Variants in MYRFL observed in about 807,000 individuals in gnomAD.
The protein encoded by MYRFL is myelin regulatory factor-like protein.
MYRFL carries 88 observed loss-of-function variants against 109.4 expected under a neutral mutation model. The ratio of observed to expected loss-of-function variants is 0.80; its 90% confidence interval spans 0.68 to 0.96. MYRFL has a LOEUF of 0.96. Ranked by LOEUF, MYRFL falls within the 40% of genes least tolerant of loss-of-function variation. The pLI is 0.00. For missense variants in MYRFL, 957 were observed against 954.9 expected (o/e 1.00, Z -0.03); for synonymous variants, 324 against 320.9 (o/e 1.01, Z -0.10).
chr12:69,867,540 G>A lies in MYRFL; in HGVS notation c.138-11488G>A, dbSNP rs556345408. Among the ~76,000 whole-genome samples, 5 of 152,228 alleles carry A rather than the reference G, an allele frequency of 3.3e-5. No individual in the cohort carries two copies. In the South Asian group the frequency reaches 1.0e-3, roughly 32 times the overall value. Reference sequence around the variant, plus strand: ...TTTGAATAGGGGACGTCACAGGAGGGGAAACTTAGAGACATGTTATATCTG... The same window carrying A: ...TTTGAATAGGGGACGTCACAGGAGGAGAAACTTAGAGACATGTTATATCTG... On this transcript the variant is annotated intron_variant, in intron 2 of 24. Coordinates refer to ENST00000552032, the MANE Select transcript of MYRFL (RefSeq NM_182530.3).
At chr12:69,896,429 T>A (rs1953998110) in intron 9 of MYRFL, among the ~76,000 whole-genome samples, 1 of 152,262 alleles carries the variant, frequency 6.6e-6, no homozygotes. Context: ...GTGAAGTTTT[T>A]TCATGCAGTT....
intron 5 of MYRFL, among the ~76,000 whole-genome samples, chr12:69,884,392 G>A (rs143504408): frequency 1.3e-5 from 2 of 152,308 alleles, no homozygotes; most frequent in Non-Finnish European, 2.9e-5. Context: ...CCATCTCCCA[G>A]GGAAGCCACA....
chr12:69,953,864 A>AG (rs908696300), intron 21 of MYRFL, among the ~76,000 whole-genome samples: 25 of 152,104 alleles, frequency 1.6e-4, no homozygotes, highest in African/African-American at 5.6e-4. Flanking sequence ...ATTAAAGGCA[A>AG]GGCCTGTAAT....
At chr12:69,942,043 A>G (rs1236169886) in intron 19 of MYRFL, among the ~76,000 whole-genome samples, 2 of 149,106 alleles carry the variant, frequency 1.3e-5, no homozygotes, top group Non-Finnish European at 3.0e-5. Context: ...GCAATAATCA[A>G]TAGCTTACCA....
intron 21 of MYRFL, among the ~76,000 whole-genome samples, chr12:69,953,764 GACACACACACACACACACACAC>G (rs143170206): frequency 6.9e-6 from 1 of 144,180 alleles, no homozygotes; most frequent in Non-Finnish European, 1.5e-5. Flanking sequence ...GTGCAACCCG[GACACACACACACACACACACAC>G]ACACACACAC....
chr12:69,916,514 G>A (rs1295343111), intron 13 of MYRFL, among the ~76,000 whole-genome samples: 1 of 152,140 alleles, frequency 6.6e-6, no homozygotes, highest in Non-Finnish European at 1.5e-5. Context: ...TTGTATATCA[G>A]TTCTCTTCTT....
chr12:69,948,900 C>A (rs968024559), intron 19 of MYRFL, among the ~76,000 whole-genome samples: 3 of 152,154 alleles, frequency 2.0e-5, no homozygotes, highest in Non-Finnish European at 4.4e-5. Context: ...CCCCTGGGAA[C>A]TTTCCCTGTG....
At chr12:69,872,053 G>A (rs577090147) in intron 2 of MYRFL, among the ~76,000 whole-genome samples, 8 of 133,402 alleles carry the variant, frequency 6.0e-5, no homozygotes, top group African/African-American at 1.5e-4. Flanking sequence ...TTTGCTTTGC[G>A]TATTTTGAAA....
At chr12:69,836,253 C>T (rs1046270234) in intron 1 of MYRFL, among the ~76,000 whole-genome samples, 1 of 152,170 alleles carries the variant, frequency 6.6e-6, no homozygotes, top group Non-Finnish European at 1.5e-5. Flanking sequence ...CAATGTGCTC[C>T]TCTTGCCCTC....
At chr12:69,898,803 G>A (rs1954087230) in intron 10 of MYRFL, among the ~76,000 whole-genome samples, 1 of 152,152 alleles carries the variant, frequency 6.6e-6, no homozygotes, top group South Asian at 2.1e-4. Context: ...ATTTGCTGCT[G>A]ACAGCTCCTG....
At position 69,897,196 on chromosome 12, in the gene MYRFL, G is replaced by C; in HGVS notation, c.1132G>C (p.Asp378His). 6.5e-7 allele frequency: 1 copy of C among 1,535,822 alleles called. No individual in the cohort carries two copies. The change falls in exon 10 of 25, where the codon GAC (aspartate) becomes CAC (histidine). Residue 378 changes from aspartate to histidine, a missense_variant. By Grantham distance (81) the Asp-to-His change is moderately conservative (BLOSUM62 -1). Coordinates refer to ENST00000552032, the MANE Select transcript of MYRFL (RefSeq NM_182530.3). ...LVVGLYAANQDQFYLLSAHIS... is the reference protein window; with the variant it reads ...LVVGLYAANQHQFYLLSAHIS... The stretch of plus-strand genomic sequence containing the variant: ...GGTTGGACTGTATGCTGCTAACCAA[G>C]ACCAGTTCTATCTGTTGTCTGCCCA...
At chr12:69,916,245 G>A (rs573769735) in intron 13 of MYRFL, among the ~76,000 whole-genome samples, 1 of 152,228 alleles carries the variant, frequency 6.6e-6, no homozygotes, top group East Asian at 1.9e-4. Flanking sequence ...AAGTAATAAT[G>A]TGAGAAATAC....
At chr12:69,866,925 T>C (rs902743132) in intron 2 of MYRFL, among the ~76,000 whole-genome samples, 5 of 152,266 alleles carry the variant, frequency 3.3e-5, no homozygotes, top group Admixed American at 2.0e-4. Context: ...GTGCCTTTAA[T>C]GTGCTAATGT....
chr12:69,879,374 A>T lies in MYRFL; in HGVS notation c.385A>T (p.Thr129Ser). 2.8e-6 allele frequency: 2 copies of T among 702,430 alleles called. No individual in the cohort carries two copies. Among genetic ancestry groups the T allele is most frequent in the Non-Finnish European group, 5.2e-6 (2 of 384,728 alleles). The allele number at this position is 702,430 out of a possible 1,614,324, so 43.5% of individuals were successfully genotyped here. Residue 129 changes from threonine (T) to serine (S), a missense_variant, in exon 4 of 25, where the codon ACC becomes TCC. By Grantham distance (58) the Thr-to-Ser change is moderately conservative. Transcript: ENST00000552032. ...SCHSNASHLA[T>S]PLDQSVSSHL... is the part of the protein sequence containing the mutation. ...CCACTCAAACGCCAGTCATCTTGCCACCCCCCTGGACCAATCCGTGTCCTC... is the reference window on the plus strand; with the variant it reads ...CCACTCAAACGCCAGTCATCTTGCCTCCCCCCTGGACCAATCCGTGTCCTC...
At chr12:69,904,041 G>C in intron 11 of MYRFL, 197 bp downstream of exon 11, 1 of 498,122 alleles carries the variant, frequency 2.0e-6, no homozygotes, top group Non-Finnish European at 3.5e-6. Flanking sequence ...CTCCCTGAGA[G>C]AATGGATTTA....
intron 1 of MYRFL, among the ~76,000 whole-genome samples, chr12:69,833,403 G>A (rs1257721882): frequency 6.6e-6 from 1 of 152,180 alleles, no homozygotes; most frequent in African/African-American, 2.4e-5. Context: ...ATGTGACCTT[G>A]AAAAAAGGAT....
At chr12:69,935,156 T>A (rs754483473) in intron 16 of MYRFL, among the ~76,000 whole-genome samples, 86 of 152,142 alleles carry the variant, frequency 5.7e-4, no homozygotes, top group Middle Eastern at 3.4e-3. Context: ...GAGAACACTT[T>A]GGGAATTTGT....
chr12:69,891,258 T>C, intron 7 of MYRFL, 92 bp downstream of exon 7: 1 of 966,446 alleles, frequency 1.0e-6, no homozygotes, highest in South Asian at 2.5e-5. Flanking sequence ...CAAAATGACT[T>C]AAAATAATAA....
intron 19 of MYRFL, among the ~76,000 whole-genome samples, chr12:69,940,509 T>C (rs1285442613): frequency 2.0e-5 from 3 of 150,536 alleles, no homozygotes; most frequent in Non-Finnish European, 3.0e-5. Flanking sequence ...TGCTGAGAGA[T>C]TTTGTCACCA....
Sources: allele counts gnomAD v4.1 joint callset (sites outside exome capture counted in the v4.1 genomes callset), GRCh38; gene constraint gnomAD v4.1.1; transcripts MANE v1.5; gene names NCBI Gene and HGNC (gene_info 2026-07-23, HGNC 2026-07-21).